Variants in RAB3C observed in about 807,000 individuals in gnomAD.
The protein encoded by RAB3C is ras-related protein Rab-3C.
A neutral mutation model predicts 26.4 loss-of-function variants in RAB3C; 17 were observed. The ratio of observed to expected loss-of-function variants is 0.64; its 90% CI spans 0.44 to 0.97. RAB3C has a LOEUF of 0.97. Among genes scored for constraint, RAB3C ranks in the 50% least tolerant of loss-of-function variants. The probability of loss-of-function intolerance (pLI) is 0.00; values close to 1 mark genes in which losing one functional copy is unlikely to be tolerated. For missense variants in RAB3C, 242 were observed against 281.9 expected (o/e 0.86, Z 1.01); for synonymous variants, 91 against 95.9 (o/e 0.95, Z 0.30).
intron 3 of RAB3C, among the ~76,000 whole-genome samples, chr5:58,793,388 C>T (rs1371143411): frequency 6.6e-6 from 1 of 152,138 alleles, no homozygotes; most frequent in African/African-American, 2.4e-5. Flanking sequence ...GAAACCCTGT[C>T]TCTACTAAAA....
intron 3 of RAB3C, among the ~76,000 whole-genome samples, chr5:58,818,195 C>T (rs1743258265): frequency 6.6e-6 from 1 of 152,168 alleles, no homozygotes; most frequent in South Asian, 2.1e-4. Context: ...AGAGGCTGAA[C>T]TCATAGGCGA....
At chr5:58,637,405 A>G (rs1045259092) in intron 2 of RAB3C, among the ~76,000 whole-genome samples, 5 of 152,230 alleles carry the variant, frequency 3.3e-5, no homozygotes, top group Admixed American at 2.0e-4. Flanking sequence ...ATCCGGATAT[A>G]TTCTGTTGCT....
rs1393960764 is a variant in RAB3C at position 58,597,687 on chromosome 5, A to ATT, written c.24+14456_24+14457dup. On this transcript the variant is annotated intron_variant, in intron 1 of 4. Coordinates refer to ENST00000282878, the MANE Select transcript of RAB3C (RefSeq NM_138453.4). ...ATAAGTATATAATATAATATAGTAC[A>ATT]TTATATATAAGTATATAATATAATA... Among the ~76,000 whole-genome samples, 2 of 125,814 alleles carry ATT rather than the reference A, an allele frequency of 1.6e-5. 1 individual carries two copies. The highest frequency in any genetic ancestry group is 3.5e-5 in the Non-Finnish European group (2 of 57,872). The allele number at this position is 125,814 out of a possible 152,430, so 82.5% of individuals were successfully genotyped here.
intron 1 of RAB3C, among the ~76,000 whole-genome samples, chr5:58,594,118 A>G (rs1746194782): frequency 6.6e-6 from 1 of 152,172 alleles, no homozygotes; most frequent in South Asian, 2.1e-4. Context: ...TCAAAGATCA[A>G]TGGGCGTTAC....
At chr5:58,622,400 A>G (rs1265607372) in intron 2 of RAB3C, among the ~76,000 whole-genome samples, 2 of 152,162 alleles carry the variant, frequency 1.3e-5, no homozygotes, top group African/African-American at 4.8e-5. Context: ...TGAGGCCCCA[A>G]ATGTCAAAGC....
chr5:58,690,494 C>T (rs1357659629), intron 2 of RAB3C, among the ~76,000 whole-genome samples: 2 of 152,142 alleles, frequency 1.3e-5, no homozygotes, highest in African/African-American at 4.8e-5. Context: ...GTGGCTTAGA[C>T]AGCTAGTGTT....
At position 58,854,601 on chromosome 5, in the gene RAB3C, T is replaced by C. The variant is rs910615984; in HGVS notation, c.*3250T>C. 1 of 152,216 alleles carries C rather than the reference T, an allele frequency of 6.6e-6. No individual in the cohort carries two copies. The highest frequency in any genetic ancestry group is 1.5e-5 in the Non-Finnish European group (1 of 68,048). The allele number at this position is 152,216 out of a possible 1,614,324, so 9.4% of individuals were successfully genotyped here. A position where few individuals can be genotyped will look rare whatever the true frequency, so the allele number is the denominator to read the frequency against. On this transcript the variant is annotated 3_prime_UTR_variant, in exon 5 of 5. Transcript: ENST00000282878. ...ATTGTTGCTGCCCCCAGTGAACAGCTCCAACTGCCTTGATGAACTTCTAAT... is the reference window on the plus strand; with the variant it reads ...ATTGTTGCTGCCCCCAGTGAACAGCCCCAACTGCCTTGATGAACTTCTAAT...
chr5:58,859,123 G>A lies in RAB3C; in HGVS notation c.*7772G>A, dbSNP rs1257093691. ...AAACAGCTTAATGCTTTCATATAGT[G>A]ACCGACATTTAGTTGAAAACTACTG... On this transcript the variant is annotated 3_prime_UTR_variant, in exon 5 of 5. Transcript: ENST00000282878. 1 of 152,196 alleles carries A rather than the reference G, an allele frequency of 6.6e-6. No homozygotes were observed. The highest frequency in any genetic ancestry group is 1.5e-5 in the Non-Finnish European group (1 of 68,038). The allele number at this position is 152,196 out of a possible 1,614,324, so 9.4% of individuals were successfully genotyped here.
intron 3 of RAB3C, among the ~76,000 whole-genome samples, chr5:58,781,861 CCT>C (rs575303123): frequency 2.5e-4 from 38 of 152,110 alleles, no homozygotes; most frequent in Non-Finnish European, 4.9e-4. Context: ...TACCCCAGTC[CCT>C]GACTTTCATC....
At chr5:58,671,279 C>T (rs887416858) in intron 2 of RAB3C, among the ~76,000 whole-genome samples, 9 of 152,040 alleles carry the variant, frequency 5.9e-5, no homozygotes, top group Non-Finnish European at 1.3e-4. Flanking sequence ...TCATTCTCCC[C>T]CCACTTTGAA....
At chr5:58,584,851 A>G in intron 1 of RAB3C, among the ~76,000 whole-genome samples, 1 of 149,180 alleles carries the variant, frequency 6.7e-6, no homozygotes, top group East Asian at 2.0e-4. Flanking sequence ...TTTCTTACAG[A>G]GTTGCTTAGA....
Position 58,615,092 on chromosome 5 carries a change from G to C in RAB3C, c.25-2551G>C, listed in dbSNP as rs187595540. 5.9e-5 allele frequency among the ~76,000 whole-genome samples: 9 copies of C among 152,168 alleles called. No homozygotes were observed. The East Asian group carries it at 1.7e-3, about 29-fold the overall frequency. On this transcript the variant is annotated intron_variant, in intron 1 of 4. Transcript: ENST00000282878. ...GGAATCAACCCCTATAGATACCGAG[G>C]GACAATTATGTTTCTTCAGGTTTTG...
At chr5:58,636,857 A>G (rs1299097026) in intron 2 of RAB3C, among the ~76,000 whole-genome samples, 27 of 152,216 alleles carry the variant, frequency 1.8e-4, no homozygotes, top group Non-Finnish European at 2.9e-5. Context: ...AAGGCCTTTC[A>G]TATGTGTCCT....
chr5:58,668,880 C>T (rs992423501), intron 2 of RAB3C, among the ~76,000 whole-genome samples: 6 of 152,134 alleles, frequency 3.9e-5, no homozygotes, highest in Non-Finnish European at 7.4e-5. Context: ...ACGCAACAGA[C>T]ATTTATTGCT....
At chr5:58,645,010 G>A (rs556557491) in intron 2 of RAB3C, among the ~76,000 whole-genome samples, 9 of 152,324 alleles carry the variant, frequency 5.9e-5, no homozygotes, top group South Asian at 4.2e-4. Flanking sequence ...ATATTAATGA[G>A]AAAGTGATTT....
At chr5:58,606,165 T>C (rs1283839511) in intron 1 of RAB3C, among the ~76,000 whole-genome samples, 2 of 152,152 alleles carry the variant, frequency 1.3e-5, no homozygotes, top group East Asian at 1.9e-4. Flanking sequence ...CATGACAGAC[T>C]GTATCTGGAA....
chr5:58,607,671 G>C (rs182178937), intron 1 of RAB3C, among the ~76,000 whole-genome samples: 1 of 152,126 alleles, frequency 6.6e-6, no homozygotes, highest in Admixed American at 6.5e-5. Context: ...GAGAAAGGTC[G>C]GGTTACCCAC....
intron 2 of RAB3C, among the ~76,000 whole-genome samples, chr5:58,668,171 C>T (rs1748039060): frequency 1.3e-5 from 2 of 152,212 alleles, no homozygotes; most frequent in East Asian, 3.9e-4. Flanking sequence ...TTTTGTATTG[C>T]AATTGCCCAT....
intron 3 of RAB3C, among the ~76,000 whole-genome samples, chr5:58,824,167 A>G (rs1369754574): frequency 2.6e-5 from 4 of 152,024 alleles, no homozygotes; most frequent in Non-Finnish European, 5.9e-5. Flanking sequence ...GCTATTGTGA[A>G]TAGTGTCGCA....
Sources: gnomAD v4.1 joint callset for allele counts (sites outside exome capture counted in the v4.1 genomes callset) on GRCh38, gnomAD v4.1.1 for gene constraint, MANE v1.5 for transcripts, NCBI Gene and HGNC (gene_info 2026-07-23, HGNC 2026-07-21) for gene names.